SMIM13: variants seen among roughly 807,000 people sequenced by gnomAD.
The protein encoded by SMIM13 is UPF0766 protein C6orf228.
A neutral mutation model predicts 5.9 loss-of-function variants in SMIM13; 3 were observed. The observed-to-expected ratio is 0.51, with a 90% CI of 0.23 to 1.31. The LOEUF (loss-of-function observed/expected upper bound fraction) is 1.31, where lower values mean the gene tolerates loss of function less well. Ranked by LOEUF, SMIM13 falls within the 40% of genes most tolerant of loss-of-function variation. The pLI is 0.18. For synonymous variants in SMIM13, 55 were observed against 46.0 expected, an observed-to-expected ratio of 1.19 and a Z score of -0.79; for missense variants, 85 against 109.9, an observed-to-expected ratio of 0.77 and a Z score of 1.01.
At position 11,095,784 on chromosome 6, in the gene SMIM13, A is replaced by G. The variant is rs548712247; in HGVS notation, c.76+1395A>G. 3.3e-5 allele frequency among the ~76,000 whole-genome samples: 5 copies of G among 152,372 alleles called. No homozygotes were observed. In the South Asian group the frequency reaches 1.0e-3, roughly 32 times the overall value. ...CAATTTTCTGCTTGTGATATCAACA[A>G]GCAGAAGAATATTAGAATATTGAAC... On this transcript the variant is annotated intron_variant, in intron 1 of 1. Coordinates refer to ENST00000416247, the MANE Select transcript of SMIM13 (RefSeq NM_001135575.2).
rs1281772353 is a variant in SMIM13 at position 11,136,070 on chromosome 6, A to G, written c.*1468A>G. 6.6e-6 allele frequency: 1 copy of G among 152,196 alleles called. No individual in the cohort carries two copies. Among genetic ancestry groups the G allele is most frequent in the Non-Finnish European group, 1.5e-5 (1 of 68,028 alleles). The allele number at this position is 152,196 out of a possible 1,614,324, so 9.4% of individuals were successfully genotyped here. On this transcript the variant is annotated 3_prime_UTR_variant, in exon 2 of 2. Transcript: ENST00000416247. The stretch of plus-strand genomic sequence containing the variant: ...TTCAGGGTAGTAACTTAGGAATCTA[A>G]GAACTATCTTCTACTTTAGGAAGAG...
At chr6:11,103,721 A>T in intron 1 of SMIM13, 1 of 1,551,420 alleles carries the variant, frequency 6.4e-7, no homozygotes, top group Non-Finnish European at 8.7e-7. Context: ...GAATATTGCG[A>T]GGATGGCGTC....
intron 1 of SMIM13, among the ~76,000 whole-genome samples, chr6:11,116,609 GTC>G (rs1450197448): frequency 6.6e-6 from 1 of 152,180 alleles, no homozygotes; most frequent in Non-Finnish European, 1.5e-5. Context: ...CAGGCACTGT[GTC>G]TGTTTACTCT....
rs374970979 is a variant in SMIM13 at position 11,103,832 on chromosome 6, G to C, written c.76+9443G>C. On this transcript the variant is annotated intron_variant, in intron 1 of 1. Coordinates refer to ENST00000416247, the MANE Select transcript of SMIM13 (RefSeq NM_001135575.2). ...ATGGACCAAAAAGGAGCAAAAGTAG[G>C]AGACTAACAAGTGGGCCTGTAAGGG... The C allele has an allele frequency of 2.6e-5, 40 of 1,551,646 alleles. No individual in the cohort carries two copies. In the African/African-American group the frequency reaches 5.1e-4, roughly 20 times the overall value.
intron 1 of SMIM13, among the ~76,000 whole-genome samples, chr6:11,097,485 G>A (rs60089904): frequency 0.025 from 3,703 of 148,226 alleles, 146 homozygotes; most frequent in African/African-American, 0.087. Context: ...GCGAATCCCC[G>A]TCTGTGCTAA....
intron 1 of SMIM13, among the ~76,000 whole-genome samples, chr6:11,096,433 C>G (rs937909636): frequency 2.6e-5 from 4 of 152,174 alleles, no homozygotes; most frequent in African/African-American, 9.7e-5. Flanking sequence ...GCTAGGACAC[C>G]TTAGTTTTTG....
intron 1 of SMIM13, among the ~76,000 whole-genome samples, chr6:11,116,127 C>T (rs1192355726): frequency 6.1e-5 from 9 of 146,834 alleles, no homozygotes; most frequent in African/African-American, 1.5e-4. Context: ...AAGCGATTCT[C>T]GTGCCTCAGC....
chr6:11,104,277 A>G, intron 1 of SMIM13: 1 of 1,551,702 alleles, frequency 6.4e-7, no homozygotes, highest in East Asian at 2.4e-5. Flanking sequence ...CACCCTGGGC[A>G]ACGGGGAATT....
chr6:11,117,768 A>C (rs1181924658), intron 1 of SMIM13, among the ~76,000 whole-genome samples: 1 of 142,428 alleles, frequency 7.0e-6, no homozygotes, highest in Non-Finnish European at 1.5e-5. Context: ...TTTTCTTTTT[A>C]AGAGAGGGTC....
At chr6:11,121,759 C>T (rs1025928092) in intron 1 of SMIM13, among the ~76,000 whole-genome samples, 10 of 152,320 alleles carry the variant, frequency 6.6e-5, no homozygotes, top group African/African-American at 2.4e-4. Context: ...ATTAACCAGA[C>T]ATAATACAAT....
intron 1 of SMIM13, among the ~76,000 whole-genome samples, chr6:11,095,029 T>G (rs1223331507): frequency 1.3e-5 from 2 of 152,234 alleles, no homozygotes; most frequent in Non-Finnish European, 2.9e-5. Context: ...TTTCTTCAAA[T>G]AATGGTAGCC....
intron 1 of SMIM13, among the ~76,000 whole-genome samples, chr6:11,115,868 GT>G (rs1342697587): frequency 6.6e-6 from 1 of 150,982 alleles, no homozygotes; most frequent in African/African-American, 2.4e-5. Context: ...TGTATTTTTA[GT>G]AGAGACAGGG....
rs777249081 is a variant in SMIM13 at position 11,105,242 on chromosome 6, C to T, written c.76+10853C>T. On this transcript the variant is annotated intron_variant, in intron 1 of 1. Transcript: ENST00000416247. Reference sequence around the variant, plus strand: ...GCAGTTGCTGAGCTTTTTCCAATAACGGGAAATCAGGATGGCGGTAGGCTG... The same window carrying T: ...GCAGTTGCTGAGCTTTTTCCAATAATGGGAAATCAGGATGGCGGTAGGCTG... The T allele has an allele frequency of 1.0e-4, 167 of 1,614,034 alleles. No homozygotes were observed. The Admixed American group carries it at 2.2e-3, about 21-fold the overall frequency.
intron 1 of SMIM13, among the ~76,000 whole-genome samples, chr6:11,127,134 C>G (rs1387593074): frequency 6.6e-6 from 1 of 152,224 alleles, no homozygotes; most frequent in Non-Finnish European, 1.5e-5. Context: ...TGACCACTGC[C>G]TGGCTGCCAC....
At position 11,138,555 on chromosome 6, in the gene SMIM13, C is replaced by T. The variant is rs143468844; in HGVS notation, c.*3953C>T. 3.9e-5 allele frequency: 6 copies of T among 151,986 alleles called. No homozygotes were observed. The highest frequency in any genetic ancestry group is 5.9e-5 in the Non-Finnish European group (4 of 67,986). 9.4% of individuals were successfully genotyped at this position (151,986 alleles called of 1,614,324 possible). On this transcript the variant is annotated 3_prime_UTR_variant, in exon 2 of 2. Transcript: ENST00000416247. ...ATAGGTTTATAAATAATTAGAATTA[C>T]GTGTTTTAATAGTACCTTTGTATAT... is the stretch of plus-strand genomic sequence containing the variant.
At position 11,137,319 on chromosome 6, in the gene SMIM13, C is replaced by G. The variant is rs1164642216; in HGVS notation, c.*2717C>G. The G allele has an allele frequency of 1.3e-5, 2 of 152,062 alleles. No homozygotes were observed. Among genetic ancestry groups the G allele is most frequent in the Non-Finnish European group, 2.9e-5 (2 of 67,984 alleles). The allele number at this position is 152,062 out of a possible 1,614,324, so 9.4% of individuals were successfully genotyped here. Reference sequence around the variant, plus strand: ...CTTCGTGCACCTCACAACACACTTACCATGGTACATATTTCTTAATGCCAC... The same window carrying G: ...CTTCGTGCACCTCACAACACACTTAGCATGGTACATATTTCTTAATGCCAC... On this transcript the variant is annotated 3_prime_UTR_variant, in exon 2 of 2. Transcript: ENST00000416247.
At chr6:11,132,190 A>G (rs1301212000) in intron 1 of SMIM13, among the ~76,000 whole-genome samples, 2 of 152,246 alleles carry the variant, frequency 1.3e-5, no homozygotes, top group Non-Finnish European at 2.9e-5. Flanking sequence ...ATCATTAGTC[A>G]TGAGGGAAAT....
intron 1 of SMIM13, among the ~76,000 whole-genome samples, chr6:11,115,853 T>A (rs1435143131): frequency 1.3e-5 from 2 of 150,012 alleles, no homozygotes; most frequent in Admixed American, 6.6e-5. Context: ...CCTGGCTAAT[T>A]TTTTTGTATT....
chr6:11,104,928 A>G (rs747826273), intron 1 of SMIM13: 10 of 1,614,220 alleles, frequency 6.2e-6, no homozygotes, highest in Non-Finnish European at 5.9e-6. Flanking sequence ...CCTTTTGGCC[A>G]TAACACAAAT....
Sources: gnomAD v4.1 joint callset for allele counts (sites outside exome capture counted in the v4.1 genomes callset) on GRCh38, gnomAD v4.1.1 for gene constraint, MANE v1.5 for transcripts, NCBI Gene and HGNC (gene_info 2026-07-23, HGNC 2026-07-21) for gene names.